The following DENND1A variants were observed in gnomAD, a reference collection of about 807,000 sequenced individuals.
DENND1A encodes DENN domain-containing protein 1A.
Under a neutral mutation model 113.7 loss-of-function variants are expected in DENND1A, and 51 were observed. The observed-to-expected ratio is 0.45, with a 90% CI of 0.36 to 0.57. DENND1A has a LOEUF of 0.57. DENND1A is among the 20% of genes least tolerant of loss of function. The probability of loss-of-function intolerance (pLI) is 0.00; values close to 1 mark genes in which losing one functional copy is unlikely to be tolerated. For missense variants in DENND1A, 1,258 were observed against 1,395.9 expected (o/e 0.90, Z 1.57); for synonymous variants, 565 against 570.8 (o/e 0.99, Z 0.14).
chr9:123,870,336 C>G (rs1004227369), intron 2 of DENND1A, among the ~76,000 whole-genome samples: 3 of 149,470 alleles, frequency 2.0e-5, no homozygotes, highest in African/African-American at 5.0e-5. Flanking sequence ...GTGATGTGAT[C>G]GCGGCTCACT....
chr9:123,855,785 C>G (rs1348345606), intron 2 of DENND1A, among the ~76,000 whole-genome samples: 1 of 152,174 alleles, frequency 6.6e-6, no homozygotes, highest in African/African-American at 2.4e-5. Flanking sequence ...CACCTGTAAT[C>G]CCAGCACTTT....
At chr9:123,747,999 A>T (rs1348539473) in intron 5 of DENND1A, among the ~76,000 whole-genome samples, 2 of 152,222 alleles carry the variant, frequency 1.3e-5, no homozygotes, top group Non-Finnish European at 2.9e-5. Context: ...CTTTTAAAAA[A>T]ATACCAAGTA....
chr9:123,547,495 C>T (rs1207703450), intron 13 of DENND1A, among the ~76,000 whole-genome samples: 1 of 152,208 alleles, frequency 6.6e-6, no homozygotes, highest in Non-Finnish European at 1.5e-5. Context: ...CGCCATTGCA[C>T]TCCAGCCTGG....
At chr9:123,412,545 C>G (rs143787750) in intron 19 of DENND1A, among the ~76,000 whole-genome samples, 2 of 152,264 alleles carry the variant, frequency 1.3e-5, no homozygotes, top group African/African-American at 4.8e-5. Flanking sequence ...ATCTGCTCAA[C>G]AAGCGTCTGA....
intron 9 of DENND1A, among the ~76,000 whole-genome samples, chr9:123,633,333 G>C (rs1156955942): frequency 3.3e-5 from 5 of 152,144 alleles, no homozygotes; most frequent in Admixed American, 1.3e-4. Flanking sequence ...ACACACACGT[G>C]CACTAGTTAA....
In DENND1A at chr9:123,518,111, C is replaced by T. The variant is rs77148691; in HGVS notation, c.993+39459G>A. On this transcript the variant is annotated intron_variant, in intron 13 of 23. Coordinates refer to ENST00000394215, the MANE Select transcript of DENND1A (RefSeq NM_001352964.2). ...TTCCAAGTGACTGAGTAGCCCTGAGCGGCATTAGGGATTCACCTACACGGG... is the reference window on the plus strand; with the variant it reads ...TTCCAAGTGACTGAGTAGCCCTGAGTGGCATTAGGGATTCACCTACACGGG... Among the ~76,000 whole-genome samples the T allele has an allele frequency of 2.9e-3, 443 of 152,130 alleles. 17 individuals carry two copies. The East Asian group carries it at 0.064, about 22-fold the overall frequency.
intron 11 of DENND1A, among the ~76,000 whole-genome samples, chr9:123,595,347 G>C (rs953203544): frequency 5.3e-5 from 8 of 152,150 alleles, no homozygotes; most frequent in African/African-American, 1.9e-4. Context: ...TCGATCCACT[G>C]GGTGTTCATT....
rs375689901 is a variant in DENND1A, at chr9:123,583,197, T to C, written c.839A>G (p.Asp280Gly). The stretch of plus-strand genomic sequence containing the variant: ...GTCGTTTGGGAGGCTCTGGAGGTCA[T>C]CGAAGGGGGTTTCCAGGGTGTTGGT... Reference protein sequence around the residue: ...VDTNTLETPFDDLQSLPNDVI... With the variant: ...VDTNTLETPFGDLQSLPNDVI... Residue 280 changes from aspartate to glycine, a missense_variant, in exon 12 of 24, where the codon GAT (aspartate) becomes GGT (glycine). By Grantham distance (94) the Asp-to-Gly change is moderately conservative. Coordinates refer to ENST00000394215, the MANE Select transcript of DENND1A (RefSeq NM_001352964.2). 28 of 1,612,838 alleles carry C rather than the reference T, an allele frequency of 1.7e-5. No homozygotes were observed. The highest frequency in any genetic ancestry group is 5.0e-5 in the Admixed American group (3 of 59,924).
chr9:123,395,493 T>TGTGTGTGTGTGTGTGA (rs2043075187), intron 21 of DENND1A, among the ~76,000 whole-genome samples: 1 of 146,094 alleles, frequency 6.8e-6, no homozygotes, highest in African/African-American at 2.5e-5. Context: ...TGTGTGTGTG[T>TGTGTGTGTGTGTGTGA]GACAGAGAGA....
intron 13 of DENND1A, among the ~76,000 whole-genome samples, chr9:123,497,425 C>T (rs1056993651): frequency 6.6e-6 from 1 of 152,174 alleles, no homozygotes; most frequent in African/African-American, 2.4e-5. Context: ...TCAAGGGATC[C>T]TCTCAGCTCA....
chr9:123,746,662 T>C (rs1692597119), intron 5 of DENND1A, among the ~76,000 whole-genome samples: 1 of 152,142 alleles, frequency 6.6e-6, no homozygotes. Flanking sequence ...GATACTTGAG[T>C]ACACTAAATC....
At chr9:123,460,347 C>A (rs1488891179) in intron 13 of DENND1A, among the ~76,000 whole-genome samples, 1 of 152,156 alleles carries the variant, frequency 6.6e-6, no homozygotes, top group Non-Finnish European at 1.5e-5. Context: ...GGGACCAGAG[C>A]AGGGCAATTA....
intron 10 of DENND1A, among the ~76,000 whole-genome samples, chr9:123,620,225 AAAAAAAAAAAAAAGAAAAGAAAAAG>A (rs2060879457): frequency 6.7e-6 from 1 of 148,718 alleles, no homozygotes; most frequent in African/African-American, 2.5e-5. Flanking sequence ...AAAAAAAAAA[AAAAAAAAAAAAAAGAAAAGAAAAAG>A]AAAAAAAGGA....
At chr9:123,836,611 T>C (rs552237491) in intron 2 of DENND1A, among the ~76,000 whole-genome samples, 1 of 152,296 alleles carries the variant, frequency 6.6e-6, no homozygotes, top group South Asian at 2.1e-4. Context: ...AAGTTTTTCA[T>C]ATCTCATATT....
At chr9:123,570,818 G>T (rs2058313163) in intron 12 of DENND1A, among the ~76,000 whole-genome samples, 2 of 152,208 alleles carry the variant, frequency 1.3e-5, no homozygotes, top group Non-Finnish European at 2.9e-5. Flanking sequence ...TCACACACCA[G>T]TTCCTACAAG....
chr9:123,554,794 CT>C (rs1181426027), intron 13 of DENND1A, among the ~76,000 whole-genome samples: 7 of 152,182 alleles, frequency 4.6e-5, no homozygotes, highest in African/African-American at 1.7e-4. Flanking sequence ...ACTCTTTTCC[CT>C]TTCTTAATGG....
At chr9:123,648,994 A>T (rs909950233) in intron 9 of DENND1A, among the ~76,000 whole-genome samples, 1 of 152,172 alleles carries the variant, frequency 6.6e-6, no homozygotes, top group Non-Finnish European at 1.5e-5. Flanking sequence ...TAGCATCGTA[A>T]TTACTACAGC....
chr9:123,728,818 G>A (rs983083394), intron 5 of DENND1A, among the ~76,000 whole-genome samples: 1 of 152,038 alleles, frequency 6.6e-6, no homozygotes, highest in Non-Finnish European at 1.5e-5. Context: ...AACAAAAAAA[G>A]GAAATTTCAG....
intron 9 of DENND1A, among the ~76,000 whole-genome samples, chr9:123,637,317 G>A (rs1467070351): frequency 7.2e-5 from 11 of 152,196 alleles, no homozygotes; most frequent in Admixed American, 7.2e-4. Flanking sequence ...CTTATTTAGA[G>A]CAGCTGTAGA....
Sources: allele counts gnomAD v4.1 joint callset (sites outside exome capture counted in the v4.1 genomes callset), GRCh38; gene constraint gnomAD v4.1.1; transcripts MANE v1.5; gene names NCBI Gene and HGNC (gene_info 2026-07-23, HGNC 2026-07-21).